Variants in FHL1 observed in about 807,000 individuals in gnomAD.
FHL1 encodes four and a half LIM domains 1, also known as four and a half LIM domains protein 1.
Under a neutral mutation model 20.3 loss-of-function variants are expected in FHL1, and 1 was observed. The ratio of observed to expected loss-of-function variants is 0.05; its 90% confidence interval spans 0.02 to 0.23. The LOEUF is 0.23. Ranked by LOEUF, FHL1 falls within the 10% of genes least tolerant of loss-of-function variation. The pLI is 1.00. For synonymous variants in FHL1, 82 were observed against 88.9 expected (o/e 0.92, Z 0.44); for missense variants, 177 against 234.0 (o/e 0.76, Z 1.59).
Position 136,207,204 on chromosome X carries a change from C to T in FHL1, c.379+14C>T. ...CCATTGTGGCAGGTACTGCCTCCTT[C>T]CCACCCCGGGTTCCCAGGGAGGAGG... is the stretch of plus-strand genomic sequence containing the variant. On this transcript the variant is annotated intron_variant, in intron 3 of 5. Transcript: ENST00000370683. The T allele has an allele frequency of 1.7e-6, 2 of 1,191,350 alleles. No homozygotes were observed. The highest frequency in any genetic ancestry group is 2.3e-6 in the Non-Finnish European group (2 of 882,057).
upstream of FHL1, among the ~76,000 whole-genome samples, chrX:136,194,915 T>A (rs1166877683): frequency 1.8e-5 from 2 of 111,368 alleles, no homozygotes; most frequent in Non-Finnish European, 3.8e-5. Context: ...GTAGTGGTCA[T>A]GCTTCATGAA....
intron 1 of FHL1, among the ~76,000 whole-genome samples, chrX:136,158,820 T>G (rs1262028537): frequency 1.8e-5 from 2 of 111,829 alleles, no homozygotes; most frequent in Admixed American, 9.6e-5. Context: ...CCTAGGAAAC[T>G]TCCTTTGATA....
At chrX:136,192,021 A>C (rs1400307409) in intron 2 of FHL1, among the ~76,000 whole-genome samples, 1 of 112,258 alleles carries the variant, frequency 8.9e-6, no homozygotes, top group African/African-American at 3.2e-5. Flanking sequence ...GTAGAAATAA[A>C]CTGGAAGAGA....
chrX:136,183,650 G>A (rs776279917), intron 2 of FHL1, among the ~76,000 whole-genome samples: 2 of 112,237 alleles, frequency 1.8e-5, no homozygotes, highest in Non-Finnish European at 3.8e-5. Flanking sequence ...CATACATGCA[G>A]TACCACCCTT....
intron 1 of FHL1, among the ~76,000 whole-genome samples, chrX:136,159,431 A>T (rs1295109374): frequency 9.0e-6 from 1 of 111,705 alleles, no homozygotes; most frequent in African/African-American, 3.3e-5. Context: ...ATTCCCAGCT[A>T]TTCGGGTGGT....
At chrX:136,165,614 C>CA (rs2072690346), upstream of FHL1, among the ~76,000 whole-genome samples, 1 of 112,121 alleles carries the variant, frequency 8.9e-6, no homozygotes, top group African/African-American at 3.2e-5. Context: ...CAATCACATT[C>CA]AAAGAATTGA....
intron 1 of FHL1, among the ~76,000 whole-genome samples, chrX:136,202,168 C>T (rs1387058837): frequency 2.7e-5 from 3 of 110,693 alleles, no homozygotes; most frequent in African/African-American, 9.9e-5. Flanking sequence ...AGTTCAAGAC[C>T]AGCCTGCCCG....
At position 136,210,140 on chromosome X, in the gene FHL1, T is replaced by C. The variant is rs1199787426; in HGVS notation, c.*115T>C. On this transcript the variant is annotated 3_prime_UTR_variant, in exon 6 of 6. Coordinates refer to ENST00000370683, the MANE Select transcript of FHL1 (RefSeq NM_001159699.2). Reference sequence around the variant, plus strand: ...GTGGTCCTTCCCTTCTTTAAAGTTCTCCTTCCGTCTTTTCTCCCATTTTAC... The same window carrying C: ...GTGGTCCTTCCCTTCTTTAAAGTTCCCCTTCCGTCTTTTCTCCCATTTTAC... 2.9e-6 allele frequency: 3 copies of C among 1,029,295 alleles called. No individual in the cohort carries two copies. In the South Asian group the frequency reaches 5.7e-5, roughly 20 times the overall value. The allele number at this position is 1,029,295 out of a possible 1,213,427, so 84.8% of individuals were successfully genotyped here.
At chrX:136,196,186 G>A (rs1463080907), upstream of FHL1, among the ~76,000 whole-genome samples, 1 of 111,026 alleles carries the variant, frequency 9.0e-6, no homozygotes, top group African/African-American at 3.3e-5. Context: ...AGGCCAGTGA[G>A]GTGGGAGTGA....
Position 136,154,999 on chromosome X carries a change from G to A in FHL1, c.-101+7371G>A, listed in dbSNP as rs565547280. Among the ~76,000 whole-genome samples the A allele has an allele frequency of 2.1e-4, 24 of 112,208 alleles. No individual in the cohort carries two copies. In the South Asian group the frequency reaches 9.0e-3, roughly 42 times the overall value. On this transcript the variant is annotated intron_variant, in intron 1 of 7. Transcript: ENST00000394155. Reference sequence around the variant, plus strand: ...TGGGATTACAGGCGTGAGCCACCACGCCCGGCCTTAATCTGGCATTCTTAA... The same window carrying A: ...TGGGATTACAGGCGTGAGCCACCACACCCGGCCTTAATCTGGCATTCTTAA...
chrX:136,206,188 C>G, intron 1 of FHL1: 1 of 462,871 alleles, frequency 2.2e-6, no homozygotes, highest in Non-Finnish European at 3.8e-6. Context: ...CACTAGCCAT[C>G]GGCCATCTGG....
chrX:136,210,149 C>G lies in FHL1; in HGVS notation c.*124C>G, dbSNP rs2073972857. On this transcript the variant is annotated 3_prime_UTR_variant, in exon 6 of 6. Transcript: ENST00000370683. ...CCCTTCTTTAAAGTTCTCCTTCCGTCTTTTCTCCCATTTTACAGTATTACT... is the reference window on the plus strand; with the variant it reads ...CCCTTCTTTAAAGTTCTCCTTCCGTGTTTTCTCCCATTTTACAGTATTACT... 9.9e-7 allele frequency: 1 copy of G among 1,011,473 alleles called. No homozygotes were observed. Among genetic ancestry groups the G allele is most frequent in the Non-Finnish European group, 1.4e-6 (1 of 717,990 alleles). 83.4% of individuals were successfully genotyped at this position (1,011,473 alleles called of 1,213,427 possible).
intron 1 of FHL1, chrX:136,147,983 C>T (rs1271339992): frequency 1.3e-5 from 1 of 78,219 alleles, no homozygotes; most frequent in African/African-American, 5.1e-5. Context: ...TCCATGTTTT[C>T]CTGTGCGGGG....
At chrX:136,206,929 T>C in intron 2 of FHL1, 87 bp from the exon 3 acceptor site, 4 of 1,037,577 alleles carry the variant, frequency 3.9e-6, no homozygotes, top group Non-Finnish European at 5.4e-6. Flanking sequence ...CAGTGGTCAG[T>C]CCCAGGGAAA....
At chrX:136,163,859 G>A (rs935120375) in intron 1 of FHL1, among the ~76,000 whole-genome samples, 5 of 111,944 alleles carry the variant, frequency 4.5e-5, no homozygotes, top group Non-Finnish European at 9.4e-5. Context: ...ATGTCAGAGG[G>A]AAAAAATGCT....
At chrX:136,169,368 C>T (rs1002229773), upstream of FHL1, 6 of 154,817 alleles carry the variant, frequency 3.9e-5, no homozygotes, top group Non-Finnish European at 6.1e-5. Context: ...CCTAATCCTG[C>T]TGTTGATTGG....
intron 1 of FHL1, among the ~76,000 whole-genome samples, chrX:136,158,945 C>T (rs997167164): frequency 9.0e-6 from 1 of 110,562 alleles, no homozygotes; most frequent in African/African-American, 3.3e-5. Context: ...AAATGCACAA[C>T]GCAATGAATG....
At chrX:136,196,623 CCTT>C (rs1182926249), upstream of FHL1, 1 of 425,105 alleles carries the variant, frequency 2.4e-6, no homozygotes, top group Non-Finnish European at 4.1e-6. Flanking sequence ...TGTCTAATCT[CCTT>C]GAGTTACACT....
At chrX:136,195,090 A>C (rs558743690), upstream of FHL1, among the ~76,000 whole-genome samples, 2 of 112,450 alleles carry the variant, frequency 1.8e-5, no homozygotes, top group South Asian at 7.5e-4. Context: ...CTTGTATTTT[A>C]GGCAAAACAG....
Sources: allele counts gnomAD v4.1 joint callset (sites outside exome capture counted in the v4.1 genomes callset), GRCh38; gene constraint gnomAD v4.1.1; transcripts MANE v1.5; gene names NCBI Gene and HGNC (gene_info 2026-07-23, HGNC 2026-07-21).